The following SHANK2 variants were observed in gnomAD, a reference collection of about 807,000 sequenced individuals.
SHANK2 encodes SH3 and multiple ankyrin repeat domains protein 2.
A neutral mutation model predicts 133.7 loss-of-function variants in SHANK2; 43 were observed. The observed-to-expected ratio is 0.32, with a 90% CI of 0.25 to 0.41. The LOEUF is 0.41. SHANK2 is among the 10% of genes least tolerant of loss of function. SHANK2 has a pLI of 1.00. For synonymous variants in SHANK2, 1,017 were observed against 952.8 expected (o/e 1.07, Z -1.24); for missense variants, 1,994 against 2,235.8 (o/e 0.89, Z 2.18).
At chr11:70,653,759 A>G (rs1020890418) in intron 17 of SHANK2, among the ~76,000 whole-genome samples, 1 of 152,158 alleles carries the variant, frequency 6.6e-6, no homozygotes, top group East Asian at 1.9e-4. Context: ...CTGGCATTCA[A>G]TCAACTGGGA....
chr11:70,698,824 C>T, intron 14 of SHANK2, 61 bp from the exon 15 acceptor site: 1 of 717,838 alleles, frequency 1.4e-6, no homozygotes, highest in Admixed American at 2.0e-5. Flanking sequence ...ACGCGGAACC[C>T]ACAGCACATG....
intron 6 of SHANK2, among the ~76,000 whole-genome samples, chr11:71,107,670 G>A (rs953953680): frequency 2.6e-5 from 4 of 152,156 alleles, no homozygotes; most frequent in Admixed American, 6.6e-5. Flanking sequence ...GGATTTGAGT[G>A]GCAGCAGTTT....
chr11:71,111,459 G>A (rs903665278), intron 5 of SHANK2, among the ~76,000 whole-genome samples: 4 of 152,198 alleles, frequency 2.6e-5, no homozygotes, highest in African/African-American at 7.2e-5. Flanking sequence ...TGCCAGCCTC[G>A]CTGTAAGAAA....
At chr11:70,655,157 G>A (rs1039939725) in intron 17 of SHANK2, among the ~76,000 whole-genome samples, 3 of 152,166 alleles carry the variant, frequency 2.0e-5, no homozygotes, top group Non-Finnish European at 2.9e-5. Context: ...CATTGATTGT[G>A]AAAACATTTA....
chr11:70,781,558 T>TCA (rs1555045157), intron 14 of SHANK2, among the ~76,000 whole-genome samples: 1 of 28,970 alleles, frequency 3.5e-5, no homozygotes, highest in Non-Finnish European at 6.5e-5. Flanking sequence ...TACTTACTTA[T>TCA]TATATATATA....
At chr11:70,624,554 C>T (rs1476033936) in intron 17 of SHANK2, among the ~76,000 whole-genome samples, 1 of 151,854 alleles carries the variant, frequency 6.6e-6, no homozygotes, top group Non-Finnish European at 1.5e-5. Flanking sequence ...AAAGAAAAAG[C>T]CTCAAACCGT....
At chr11:70,832,512 T>C (rs1948740362) in intron 11 of SHANK2, among the ~76,000 whole-genome samples, 1 of 152,126 alleles carries the variant, frequency 6.6e-6, no homozygotes, top group South Asian at 2.1e-4. Flanking sequence ...TGTCCAGCCC[T>C]CCTCCCTGCC....
rs1460272617 is a variant in SHANK2, at chr11:70,798,513, G to A, written c.1707C>T (p.Arg569=). 28 of 718,472 alleles carry A rather than the reference G, an allele frequency of 3.9e-5. No homozygotes were observed. Among genetic ancestry groups the A allele is most frequent in the Admixed American group, 1.0e-4 (5 of 50,010 alleles). 44.5% of individuals were successfully genotyped at this position (718,472 alleles called of 1,614,324 possible). The change falls in exon 14 of 26, where the codon CGC becomes CGT. Residue 569 remains arginine (R), a synonymous_variant. Transcript: ENST00000601538. ...GEGGFWEGSA[R]GHIGWFPAEC... ...CCGCCGGAAACCATCCGATGTGGCC[G>A]CGGGCGCTGCCTTCCCAGAAGCCCC...
In SHANK2 at chr11:71,175,540, GA is replaced by G; in HGVS notation, c.-12-28203del. On this transcript the variant is annotated intron_variant, in intron 2 of 25. Coordinates refer to ENST00000601538, the MANE Select transcript of SHANK2 (RefSeq NM_012309.5). This position sits in a 1 kb window ranked among gnomAD's most constrained non-coding sequence, Gnocchi z 4.2. ...AAACAGACAGACAGACAGACAGAGG[GA>G]GAGGGAGAGGGAGAGAGAGAGAGAG... Among the ~76,000 whole-genome samples the G allele has an allele frequency of 1.2e-5, 1 of 84,344 alleles. No homozygotes were observed. The highest frequency in any genetic ancestry group is 4.7e-5 in the African/African-American group (1 of 21,128). The allele number at this position is 84,344 out of a possible 152,430, so 55.3% of individuals were successfully genotyped here. A position where few individuals can be genotyped will look rare whatever the true frequency, so the allele number is the denominator to read the frequency against.
chr11:71,247,774 G>T (rs1407589333), intron 1 of SHANK2, among the ~76,000 whole-genome samples: 1 of 152,160 alleles, frequency 6.6e-6, no homozygotes, highest in Non-Finnish European at 1.5e-5. Context: ...CTCAGATTGG[G>T]AGTTTGTGGC....
At chr11:70,768,871 C>A (rs1412147428) in intron 14 of SHANK2, among the ~76,000 whole-genome samples, 1 of 152,040 alleles carries the variant, frequency 6.6e-6, no homozygotes, top group African/African-American at 2.4e-5. Flanking sequence ...GGAAGAGGGG[C>A]CAGGTGGGCA....
chr11:70,892,373 T>C (rs782118544), intron 11 of SHANK2, among the ~76,000 whole-genome samples: 2 of 151,994 alleles, frequency 1.3e-5, no homozygotes, highest in Non-Finnish European at 2.9e-5. Context: ...GACTGCCCTG[T>C]TGGTGATCTG....
intron 5 of SHANK2, among the ~76,000 whole-genome samples, chr11:71,111,183 G>A (rs889092143): frequency 6.6e-6 from 1 of 152,198 alleles, no homozygotes; most frequent in Non-Finnish European, 1.5e-5. Context: ...AGCTATGAAT[G>A]CTCCTTTGCT....
chr11:71,071,347 G>T (rs1245599890), intron 9 of SHANK2, among the ~76,000 whole-genome samples: 1 of 152,202 alleles, frequency 6.6e-6, no homozygotes, highest in Non-Finnish European at 1.5e-5. Context: ...TTCTTTGAGT[G>T]GGGGAAGTCT....
intron 20 of SHANK2, among the ~76,000 whole-genome samples, chr11:70,501,223 C>G (rs1175655827): frequency 3.3e-5 from 5 of 152,246 alleles, no homozygotes; most frequent in African/African-American, 1.2e-4. Context: ...ACTCTAGCCC[C>G]AGAACCTCGT....
At chr11:71,094,419 G>T in intron 7 of SHANK2, 118 bp downstream of exon 7, 1 of 993,184 alleles carries the variant, frequency 1.0e-6, no homozygotes, top group Non-Finnish European at 1.5e-6. Context: ...CGGACTCCTA[G>T]GGTGGGCCGG....
At chr11:71,107,885 G>C (rs762450659) in intron 6 of SHANK2, among the ~76,000 whole-genome samples, 1 of 152,216 alleles carries the variant, frequency 6.6e-6, no homozygotes, top group African/African-American at 2.4e-5. Flanking sequence ...ATCAGGAAGA[G>C]AGGTGCAGAG....
chr11:70,702,328 T>TCATCAC (rs1945549033), intron 14 of SHANK2, among the ~76,000 whole-genome samples: 3 of 131,612 alleles, frequency 2.3e-5, no homozygotes, highest in African/African-American at 9.1e-5. Flanking sequence ...ATCATCACCA[T>TCATCAC]CATCATCACC....
intron 22 of SHANK2, 45 bp from the exon 23 acceptor site, chr11:70,490,432 C>T: frequency 2.0e-6 from 3 of 1,532,554 alleles, no homozygotes; most frequent in Non-Finnish European, 2.7e-6. Context: ...CTGGCCAGCC[C>T]CCACCCACGG....
Sources: gnomAD v4.1 joint callset for allele counts (sites outside exome capture counted in the v4.1 genomes callset) on GRCh38, gnomAD v4.1.1 for gene constraint, Gnocchi (gnomAD v3.1) non-coding constraint, MANE v1.5 for transcripts, NCBI Gene and HGNC (gene_info 2026-07-23, HGNC 2026-07-21) for gene names.